Variants in ADGRL3 observed in about 807,000 individuals in gnomAD.
The protein encoded by ADGRL3 is adhesion G protein-coupled receptor L3.
A neutral mutation model predicts 153.5 loss-of-function variants in ADGRL3; 62 were observed. The observed-to-expected ratio is 0.40, with a 90% CI of 0.33 to 0.50. ADGRL3 has a LOEUF of 0.50. Among genes scored for constraint, ADGRL3 ranks in the 20% least tolerant of loss-of-function variants. The pLI is 0.47. For synonymous variants in ADGRL3, 710 were observed against 672.5 expected, an observed-to-expected ratio of 1.06 and a Z score of -0.86; for missense variants, 1,641 against 1,859.4, an observed-to-expected ratio of 0.88 and a Z score of 2.16.
chr4:62,007,504 C>T (rs1383212685), intron 21 of ADGRL3, among the ~76,000 whole-genome samples: 2 of 141,604 alleles, frequency 1.4e-5, no homozygotes, highest in African/African-American at 5.3e-5. Flanking sequence ...ATCTCCTAAC[C>T]TCCTCTGGTG....
rs570071095 is a variant in ADGRL3 at position 61,810,453 on chromosome 4, T to C, written c.1400-3356T>C. ...TTTCTCCGTCCTAGTTCCATGGTTC[T>C]ATAAAGTATTTCTATGCTCAGATGT... is the stretch of plus-strand genomic sequence containing the variant. On this transcript the variant is annotated intron_variant, in intron 8 of 26. Transcript: ENST00000683033. 5.3e-5 allele frequency among the ~76,000 whole-genome samples: 8 copies of C among 152,314 alleles called. No individual in the cohort carries two copies. The South Asian group carries it at 1.7e-3, about 32-fold the overall frequency.
chr4:61,249,511 T>C (rs1758382701), intron 1 of ADGRL3, among the ~76,000 whole-genome samples: 1 of 151,946 alleles, frequency 6.6e-6, no homozygotes, highest in Non-Finnish European at 1.5e-5. Context: ...CTTCTGGTGC[T>C]ACACCTACCT....
At chr4:61,447,703 A>C (rs1184307425) in intron 2 of ADGRL3, among the ~76,000 whole-genome samples, 1 of 152,206 alleles carries the variant, frequency 6.6e-6, no homozygotes, top group Non-Finnish European at 1.5e-5. Flanking sequence ...TGTTTGAAAC[A>C]TGAGTTTTAT....
rs529397909 is a variant in ADGRL3 at position 61,319,286 on chromosome 4, C to A, written c.-239-63838C>A. Among the ~76,000 whole-genome samples the A allele has an allele frequency of 5.3e-5, 8 of 152,262 alleles. No homozygotes were observed. In the East Asian group the frequency reaches 1.5e-3, roughly 29 times the overall value. ...TGGAGAAAGAAAATTTCAGTCCTCC[C>A]TACAACCACTTCAAATAAATCACTA... On this transcript the variant is annotated intron_variant, in intron 1 of 26. Transcript: ENST00000683033.
At chr4:61,595,465 T>C (rs1579746383) in intron 5 of ADGRL3, among the ~76,000 whole-genome samples, 1 of 152,156 alleles carries the variant, frequency 6.6e-6, no homozygotes, top group Middle Eastern at 3.4e-3. Context: ...CTAGGAGCTA[T>C]GGCCTGGAAT....
intron 1 of ADGRL3, among the ~76,000 whole-genome samples, chr4:61,356,689 A>G (rs1281303776): frequency 6.6e-6 from 1 of 152,132 alleles, no homozygotes; most frequent in Non-Finnish European, 1.5e-5. Context: ...ATTTAAATTA[A>G]AAACAAACAT....
intron 25 of ADGRL3, chr4:62,063,395 A>G (rs1741240263): frequency 2.0e-6 from 1 of 498,200 alleles, no homozygotes; most frequent in Non-Finnish European, 3.6e-6. Flanking sequence ...GCCTGTAATC[A>G]GGACTGTATC....
Position 61,979,825 on chromosome 4 carries a change from A to G in ADGRL3, c.3015+53A>G, listed in dbSNP as rs1581725930. On this transcript the variant is annotated intron_variant, in intron 18 of 26. Coordinates refer to ENST00000683033, the MANE Select transcript of ADGRL3 (RefSeq NM_001387552.1). ...AGAATTTTTCCACTTCCAGCTTTTC[A>G]GTAGCGCCAATACTAAAAATACTTA... 3.6e-6 allele frequency: 5 copies of G among 1,386,884 alleles called. No individual in the cohort carries two copies. The South Asian group carries it at 4.7e-5, about 13-fold the overall frequency. The allele number at this position is 1,386,884 out of a possible 1,614,324, so 85.9% of individuals were successfully genotyped here.
intron 6 of ADGRL3, among the ~76,000 whole-genome samples, chr4:61,691,938 C>T (rs926498868): frequency 1.3e-5 from 2 of 152,038 alleles, no homozygotes; most frequent in African/African-American, 4.8e-5. Flanking sequence ...ACTAGCAGCT[C>T]ATTTTCTGAT....
intron 8 of ADGRL3, among the ~76,000 whole-genome samples, chr4:61,743,019 A>G (rs968385661): frequency 6.6e-6 from 1 of 151,836 alleles, no homozygotes; most frequent in South Asian, 2.1e-4. Flanking sequence ...TTTTTCAATA[A>G]TGTTAGAAAA....
At chr4:61,300,800 C>A (rs892134656) in intron 1 of ADGRL3, among the ~76,000 whole-genome samples, 21 of 141,450 alleles carry the variant, frequency 1.5e-4, no homozygotes, top group African/African-American at 4.7e-4. Context: ...GAGTCTCGCT[C>A]TGGCACCCAG....
At chr4:61,268,387 A>G (rs1361883271) in intron 1 of ADGRL3, among the ~76,000 whole-genome samples, 3 of 151,630 alleles carry the variant, frequency 2.0e-5, no homozygotes. Context: ...ATTTATCTCA[A>G]GAGGAATAGT....
Position 62,071,117 on chromosome 4 carries a change from C to G in ADGRL3, c.*209C>G, listed in dbSNP as rs747240327. ...TAACTGCTAAAATTCCCCTGTACCCCATCCTTTCTTGTCCTTTCCCCTTCA... is the reference window on the plus strand; with the variant it reads ...TAACTGCTAAAATTCCCCTGTACCCGATCCTTTCTTGTCCTTTCCCCTTCA... On this transcript the variant is annotated 3_prime_UTR_variant, in exon 27 of 27. Coordinates refer to ENST00000683033, the MANE Select transcript of ADGRL3 (RefSeq NM_001387552.1). 4.0e-6 allele frequency: 2 copies of G among 496,350 alleles called. No homozygotes were observed. Among genetic ancestry groups the G allele is most frequent in the African/African-American group, 1.9e-5 (1 of 52,264 alleles). 30.7% of individuals were successfully genotyped at this position (496,350 alleles called of 1,614,324 possible). A position where few individuals can be genotyped will look rare whatever the true frequency, so the allele number is the denominator to read the frequency against.
chr4:61,308,087 A>G (rs1045345222), intron 1 of ADGRL3, among the ~76,000 whole-genome samples: 2 of 152,176 alleles, frequency 1.3e-5, no homozygotes, highest in Admixed American at 1.3e-4. Flanking sequence ...GTTACTGGCC[A>G]CTTGGGAAGA....
At chr4:61,669,483 A>G (rs2150755218) in intron 5 of ADGRL3, among the ~76,000 whole-genome samples, 1 of 152,304 alleles carries the variant, frequency 6.6e-6, no homozygotes, top group East Asian at 1.9e-4. Flanking sequence ...CCTGAGAACT[A>G]AAAACCCATA....
chr4:61,549,222 A>C (rs1007654107), intron 4 of ADGRL3, among the ~76,000 whole-genome samples: 4 of 151,964 alleles, frequency 2.6e-5, no homozygotes, highest in Admixed American at 2.6e-4. Context: ...TATCAGATCA[A>C]GGAGCTTTTG....
chr4:61,292,556 A>G (rs1360808283), intron 1 of ADGRL3, among the ~76,000 whole-genome samples: 1 of 152,128 alleles, frequency 6.6e-6, no homozygotes, highest in Non-Finnish European at 1.5e-5. Context: ...TTGGACTTTA[A>G]CTTGCCAGTT....
At chr4:61,404,450 A>G (rs1341477144) in intron 2 of ADGRL3, among the ~76,000 whole-genome samples, 1 of 152,030 alleles carries the variant, frequency 6.6e-6, no homozygotes, top group Non-Finnish European at 1.5e-5. Flanking sequence ...TTGCTGTACA[A>G]AAATACAGGA....
At chr4:61,211,284 C>G (rs901296619) in intron 1 of ADGRL3, among the ~76,000 whole-genome samples, 1 of 152,086 alleles carries the variant, frequency 6.6e-6, no homozygotes, top group South Asian at 2.1e-4. Context: ...AATTGGATAC[C>G]TCTAGCCTTC....
Sources: gnomAD v4.1 joint callset for allele counts (sites outside exome capture counted in the v4.1 genomes callset) on GRCh38, gnomAD v4.1.1 for gene constraint, MANE v1.5 for transcripts, NCBI Gene and HGNC (gene_info 2026-07-23, HGNC 2026-07-21) for gene names.